Variants in SCRG1 observed in about 807,000 individuals in gnomAD.
SCRG1 encodes the protein scrapie-responsive protein 1.
A neutral mutation model predicts 7.7 loss-of-function variants in SCRG1; 3 were observed. The observed-to-expected ratio is 0.39, with a 90% CI of 0.18 to 1.01. SCRG1 has a LOEUF of 1.01. SCRG1 is among the 50% of genes least tolerant of loss of function. The probability of loss-of-function intolerance (pLI) is 0.36; values close to 1 mark genes in which losing one functional copy is unlikely to be tolerated. For missense variants in SCRG1, 110 were observed against 117.2 expected (o/e 0.94, Z 0.28); for synonymous variants, 46 against 41.2 (o/e 1.12, Z -0.44).
chr4:173,484,738 ATAT>A, the SCRG1 span, among the ~76,000 whole-genome samples: 3 of 89,510 alleles, frequency 3.4e-5, no homozygotes, highest in African/African-American at 5.0e-5. Flanking sequence ...CATATAATAC[ATAT>A]TATATATTAT....
At chr4:173,401,544 T>C (rs1365627417), upstream of SCRG1, among the ~76,000 whole-genome samples, 1 of 152,228 alleles carries the variant, frequency 6.6e-6, no homozygotes, top group Non-Finnish European at 1.5e-5. Context: ...CCTTATTGTG[T>C]TGCTTATTTT....
At chr4:173,427,252 C>G in the SCRG1 span, among the ~76,000 whole-genome samples, 1 of 152,198 alleles carries the variant, frequency 6.6e-6, no homozygotes, top group Non-Finnish European at 1.5e-5. Flanking sequence ...TATCTGCTGT[C>G]TAGCAGTTCA....
At chr4:173,501,086 A>G in the SCRG1 span, among the ~76,000 whole-genome samples, 1 of 152,126 alleles carries the variant, frequency 6.6e-6, no homozygotes, top group African/African-American at 2.4e-5. The surrounding 1 kb of genome is among the most constrained non-coding windows in gnomAD (Gnocchi z 5.1). Context: ...GACGCTTTGC[A>G]GACTGGGGCC....
At chr4:173,457,465 A>G in the SCRG1 span, among the ~76,000 whole-genome samples, 147,124 of 152,284 alleles carry the variant, frequency 0.97, 71,314 homozygotes, top group Non-Finnish European at 1. Flanking sequence ...TTTCCATATA[A>G]CATCAAAGAA....
At chr4:173,416,928 A>T in the SCRG1 span, among the ~76,000 whole-genome samples, 1 of 133,416 alleles carries the variant, frequency 7.5e-6, no homozygotes, top group African/African-American at 3.1e-5. Flanking sequence ...ACACACACAC[A>T]CACACACACA....
chr4:173,392,927 C>T (rs1739495878), intron 1 of SCRG1, among the ~76,000 whole-genome samples: 1 of 152,028 alleles, frequency 6.6e-6, no homozygotes, highest in Non-Finnish European at 1.5e-5. Flanking sequence ...CCTGTCTCTA[C>T]TAAAAATACA....
chr4:173,464,471 C>T, the SCRG1 span, among the ~76,000 whole-genome samples: 4 of 152,278 alleles, frequency 2.6e-5, no homozygotes, highest in Non-Finnish European at 4.4e-5. Flanking sequence ...TAAAGAAACA[C>T]TATCAGAATA....
the SCRG1 span, among the ~76,000 whole-genome samples, chr4:173,512,234 C>G: frequency 6.6e-6 from 1 of 152,192 alleles, no homozygotes; most frequent in Admixed American, 6.5e-5. Context: ...AGTGGGTGAT[C>G]TGAAAGCTAA....
At chr4:173,413,968 G>T in the SCRG1 span, among the ~76,000 whole-genome samples, 2 of 152,150 alleles carry the variant, frequency 1.3e-5, no homozygotes, top group South Asian at 2.1e-4. Context: ...GGTCTCCCAG[G>T]TACCTTGATA....
rs769324225 is a variant in SCRG1, at chr4:173,388,381, C to CAA, written c.256_257insTT (p.Gly86ValfsTer8). 2 of 1,611,000 alleles carry CAA rather than the reference C, an allele frequency of 1.2e-6. No individual in the cohort carries two copies. The highest frequency in any genetic ancestry group is 1.7e-6 in the Non-Finnish European group (2 of 1,178,086). On this transcript the variant is annotated frameshift_variant, in exon 3 of 3. Transcript: ENST00000296506. LOFTEE classifies it high-confidence loss of function. ...AGGAATCACGAAAGAGATCTTTGGT[C>CAA]CAAAGAAAACGTCTCTGAAAGAAAA...
At chr4:173,504,884 A>C in the SCRG1 span, among the ~76,000 whole-genome samples, 9 of 152,224 alleles carry the variant, frequency 5.9e-5, no homozygotes, top group African/African-American at 1.9e-4. This position sits in a 1 kb window ranked among gnomAD's most constrained non-coding sequence, Gnocchi z 4.7. Context: ...TAGCAGCAGA[A>C]ACCATGGCAG....
chr4:173,469,270 CT>C, the SCRG1 span: 5 of 152,184 alleles, frequency 3.3e-5, no homozygotes, highest in East Asian at 9.6e-4. Context: ...ATAAATTTTT[CT>C]GTAATCAATT....
chr4:173,483,200 TATATG>T, the SCRG1 span, among the ~76,000 whole-genome samples: 1 of 83,062 alleles, frequency 1.2e-5, no homozygotes, highest in Non-Finnish European at 2.4e-5. Context: ...TGATATATAT[TATATG>T]ATATATCATA....
At chr4:173,405,409 TTA>T (rs769140881) in intron 1 of SCRG1, among the ~76,000 whole-genome samples, 17 of 152,322 alleles carry the variant, frequency 1.1e-4, no homozygotes, top group Non-Finnish European at 1.9e-4. Context: ...GTCGTTTTCG[TTA>T]TGTGGCTCCA....
At chr4:173,437,936 T>C in the SCRG1 span, among the ~76,000 whole-genome samples, 1 of 152,248 alleles carries the variant, frequency 6.6e-6, no homozygotes, top group East Asian at 1.9e-4. Flanking sequence ...CTTCAGTTGA[T>C]CCATAAGGCC....
At chr4:173,423,420 A>G in the SCRG1 span, among the ~76,000 whole-genome samples, 1 of 152,208 alleles carries the variant, frequency 6.6e-6, no homozygotes, top group African/African-American at 2.4e-5. Context: ...ACCAAGAAAA[A>G]TTGCTTTACC....
At chr4:173,420,844 C>T in the SCRG1 span, among the ~76,000 whole-genome samples, 1 of 152,104 alleles carries the variant, frequency 6.6e-6, no homozygotes. Flanking sequence ...TAGTAGAATG[C>T]TTATTGTCAA....
chr4:173,429,381 C>A, the SCRG1 span, among the ~76,000 whole-genome samples: 27 of 152,232 alleles, frequency 1.8e-4, no homozygotes, highest in African/African-American at 6.5e-4. Flanking sequence ...AACTTTCAAA[C>A]TCTTGGGCTC....
At chr4:173,393,629 G>C (rs1739512600) in intron 1 of SCRG1, among the ~76,000 whole-genome samples, 1 of 152,032 alleles carries the variant, frequency 6.6e-6, no homozygotes, top group Admixed American at 6.6e-5. Flanking sequence ...TGTCTGTTAG[G>C]TCCATTTGGT....
Sources: allele counts gnomAD v4.1 joint callset (sites outside exome capture counted in the v4.1 genomes callset), GRCh38; gene constraint gnomAD v4.1.1; non-coding constraint Gnocchi (gnomAD v3.1); transcripts MANE v1.5; gene names NCBI Gene and HGNC (gene_info 2026-07-23, HGNC 2026-07-21).